CNTLN: variants seen among roughly 807,000 people sequenced by gnomAD.
CNTLN encodes centlein.
CNTLN carries 212 observed loss-of-function variants against 180.0 expected under a neutral mutation model. The ratio of observed to expected loss-of-function variants is 1.18; its 90% confidence interval spans 1.05 to 1.32. The LOEUF is 1.32. CNTLN is among the 40% of genes most tolerant of loss of function. CNTLN has a pLI of 0.00. For missense variants in CNTLN, 2,095 were observed against 1,610.9 expected (o/e 1.30, Z -5.14); for synonymous variants, 722 against 563.1 (o/e 1.28, Z -3.99).
At chr9:17,216,195 G>T (rs1048205795) in intron 2 of CNTLN, among the ~76,000 whole-genome samples, 9 of 152,110 alleles carry the variant, frequency 5.9e-5, no homozygotes, top group African/African-American at 2.2e-4. Context: ...ACTTGGAACT[G>T]TCCCCCAGGC....
Position 17,230,632 on chromosome 9 carries a change from T to C in CNTLN, c.534+4345T>C, listed in dbSNP as rs1824754368. On this transcript the variant is annotated intron_variant, in intron 3 of 25. Transcript: ENST00000380647. ...CCCATGAGTCTGGGCTCTGGTAAAA[T>C]AGTTTTTCTTGATGGCAGGCCTTGG... Among the ~76,000 whole-genome samples the C allele has an allele frequency of 2.6e-5, 4 of 151,852 alleles. No homozygotes were observed. The South Asian group carries it at 8.3e-4, about 32-fold the overall frequency.
In CNTLN at chr9:17,289,703, C is replaced by T. The variant is rs1006620792; in HGVS notation, c.984-8487C>T. 2.2e-5 allele frequency among the ~76,000 whole-genome samples: 3 copies of T among 138,646 alleles called. 1 individual carries two copies. Among genetic ancestry groups the T allele is most frequent in the Non-Finnish European group, 4.6e-5 (3 of 65,700 alleles). 91.0% of individuals were successfully genotyped at this position (138,646 alleles called of 152,430 possible). ...TCCCATATTTCTTGGAGGCTTTGCT[C>T]ATTTCTTTTTATTCTTTTTTCTCTA... On this transcript the variant is annotated intron_variant, in intron 6 of 25. Transcript: ENST00000380647.
At chr9:17,206,690 A>G (rs893704478) in intron 2 of CNTLN, among the ~76,000 whole-genome samples, 4 of 152,164 alleles carry the variant, frequency 2.6e-5, no homozygotes, top group Non-Finnish European at 5.9e-5. Context: ...TTTGAACTCA[A>G]TTGACCATTT....
chr9:17,520,115 G>A, the CNTLN span, among the ~76,000 whole-genome samples: 2 of 152,184 alleles, frequency 1.3e-5, no homozygotes, highest in African/African-American at 4.8e-5. Context: ...ATTTGTAAAG[G>A]TAGAAAACTC....
chr9:17,420,174 C>G (rs773749666), intron 18 of CNTLN, among the ~76,000 whole-genome samples: 3 of 152,140 alleles, frequency 2.0e-5, no homozygotes, highest in Non-Finnish European at 4.4e-5. Context: ...ACCAGCCTCC[C>G]AAAGTGTAGC....
At chr9:17,378,078 C>T (rs570964055) in intron 13 of CNTLN, among the ~76,000 whole-genome samples, 1 of 152,236 alleles carries the variant, frequency 6.6e-6, no homozygotes, top group Non-Finnish European at 1.5e-5. Flanking sequence ...GTCCGGCCTT[C>T]ATATCTATTT....
chr9:17,362,336 G>T (rs1274395178), intron 12 of CNTLN, among the ~76,000 whole-genome samples: 1 of 152,056 alleles, frequency 6.6e-6, no homozygotes, highest in Non-Finnish European at 1.5e-5. Context: ...ATCATTGTGT[G>T]GTTGAGTGTA....
the CNTLN span, among the ~76,000 whole-genome samples, chr9:17,509,248 A>G: frequency 6.6e-6 from 1 of 152,148 alleles, no homozygotes. Flanking sequence ...TTGATATGGC[A>G]CCATTTCCTG....
chr9:17,435,738 T>C (rs747463069), intron 18 of CNTLN, among the ~76,000 whole-genome samples: 1 of 152,134 alleles, frequency 6.6e-6, no homozygotes, highest in Non-Finnish European at 1.5e-5. Context: ...AATTTTTGTA[T>C]TTTTAGTAGA....
At chr9:17,425,736 AT>A (rs899852950) in intron 18 of CNTLN, among the ~76,000 whole-genome samples, 1 of 150,858 alleles carries the variant, frequency 6.6e-6, no homozygotes, top group Non-Finnish European at 1.5e-5. Flanking sequence ...ATGATAAAAT[AT>A]TTTTTTTAAA....
At chr9:17,440,899 G>C (rs1830070007) in intron 18 of CNTLN, among the ~76,000 whole-genome samples, 1 of 152,194 alleles carries the variant, frequency 6.6e-6, no homozygotes, top group African/African-American at 2.4e-5. Context: ...AAAATCCATA[G>C]ACAGAAATTG....
intron 7 of CNTLN, 197 bp downstream of exon 7, chr9:17,298,549 C>A: frequency 8.0e-7 from 1 of 1,243,250 alleles, no homozygotes; most frequent in Non-Finnish European, 1.0e-6. Context: ...GTAATTAGAG[C>A]TGAATCACTT....
At chr9:17,469,770 C>A (rs1831955164) in intron 23 of CNTLN, among the ~76,000 whole-genome samples, 1 of 151,844 alleles carries the variant, frequency 6.6e-6, no homozygotes. Context: ...AGATTTAACT[C>A]TGGGCCTTTC....
chr9:17,247,321 G>C (rs1357732750), intron 5 of CNTLN, among the ~76,000 whole-genome samples: 1 of 152,154 alleles, frequency 6.6e-6, no homozygotes, highest in Non-Finnish European at 1.5e-5. Flanking sequence ...TGGGTTGGGA[G>C]ATTTGCTTCT....
intron 2 of CNTLN, among the ~76,000 whole-genome samples, chr9:17,207,997 C>G (rs1253636063): frequency 6.6e-6 from 1 of 152,118 alleles, no homozygotes; most frequent in Non-Finnish European, 1.5e-5. Flanking sequence ...ACTTCCAATA[C>G]TATGTTGAAT....
intron 8 of CNTLN, among the ~76,000 whole-genome samples, chr9:17,322,312 G>A (rs1412562234): frequency 6.6e-6 from 1 of 151,970 alleles, no homozygotes; most frequent in Non-Finnish European, 1.5e-5. Flanking sequence ...TTTATCTTTT[G>A]TAAGTCTTAA....
intron 2 of CNTLN, among the ~76,000 whole-genome samples, chr9:17,144,881 C>T (rs984204911): frequency 3.4e-5 from 5 of 148,708 alleles, no homozygotes; most frequent in African/African-American, 1.2e-4. Context: ...GTCGCCCAGG[C>T]CAGACTGCGG....
At chr9:17,243,002 A>G (rs140297912) in intron 5 of CNTLN, among the ~76,000 whole-genome samples, 2,036 of 152,286 alleles carry the variant, frequency 0.013, 48 homozygotes, top group African/African-American at 0.047. Context: ...ATAAGGCTTC[A>G]GTCTCATTAC....
Position 17,135,044 on chromosome 9 carries a change from T to G in CNTLN, c.-22T>G. 1.9e-6 allele frequency: 3 copies of G among 1,585,752 alleles called. No homozygotes were observed. The highest frequency in any genetic ancestry group is 2.6e-6 in the Non-Finnish European group (3 of 1,172,348). ...GAGGTGGAGTTTCCAACAGGGAACT[T>G]GACCCGTTAGCAGCCGCAGCCATGG... On this transcript the variant is annotated 5_prime_UTR_variant, in exon 1 of 26. Transcript: ENST00000380647.
Sources: gnomAD v4.1 joint callset for allele counts (sites outside exome capture counted in the v4.1 genomes callset) on GRCh38, gnomAD v4.1.1 for gene constraint, MANE v1.5 for transcripts, NCBI Gene and HGNC (gene_info 2026-07-23, HGNC 2026-07-21) for gene names.